The following SPOCK3 variants were observed in gnomAD, a reference collection of about 807,000 sequenced individuals.
SPOCK3 encodes the protein SPARC (osteonectin), cwcv and kazal like domains proteoglycan 3.
In SPOCK3, 30 loss-of-function variants were observed where a neutral mutation model predicts 56.6. The observed-to-expected ratio is 0.53, with a 90% CI of 0.40 to 0.72. SPOCK3 has a LOEUF of 0.72. Among genes scored for constraint, SPOCK3 ranks in the 30% least tolerant of loss-of-function variants. SPOCK3 has a pLI of 0.00. For missense variants in SPOCK3, 527 were observed against 530.0 expected (o/e 0.99, Z 0.06); for synonymous variants, 196 against 183.3 (o/e 1.07, Z -0.56).
chr4:167,000,119 G>T (rs1163326248), intron 4 of SPOCK3, among the ~76,000 whole-genome samples: 1 of 151,990 alleles, frequency 6.6e-6, no homozygotes, highest in Non-Finnish European at 1.5e-5. Flanking sequence ...ATCTTTATAA[G>T]ACCTTCTTTA....
At chr4:167,146,457 G>A (rs574221870) in intron 2 of SPOCK3, among the ~76,000 whole-genome samples, 29 of 152,004 alleles carry the variant, frequency 1.9e-4, no homozygotes, top group South Asian at 1.9e-3. Context: ...TGGACCAAGC[G>A]GACCTAATAG....
In SPOCK3 at chr4:167,051,050, T is replaced by A. The variant is rs1272714040; in HGVS notation, c.235+11442A>T. Among the ~76,000 whole-genome samples the A allele has an allele frequency of 2.0e-5, 3 of 152,166 alleles. No individual in the cohort carries two copies. In the East Asian group the frequency reaches 5.8e-4, roughly 29 times the overall value. ...ATGAATGTACCTAATGCCCCTGAAC[T>A]ATATTCCTAAAAATGGTTAAAATGG... On this transcript the variant is annotated intron_variant, in intron 3 of 10. Transcript: ENST00000357545.
intron 3 of SPOCK3, among the ~76,000 whole-genome samples, chr4:167,009,634 AAAC>A (rs1270227024): frequency 6.6e-6 from 1 of 152,090 alleles, no homozygotes; most frequent in Non-Finnish European, 1.5e-5. Context: ...ATACCAAAAA[AAAC>A]AACAACAAAA....
intron 7 of SPOCK3, among the ~76,000 whole-genome samples, chr4:166,788,570 TA>T (rs1740984813): frequency 6.6e-6 from 1 of 151,740 alleles, no homozygotes; most frequent in South Asian, 2.1e-4. Flanking sequence ...ATATGAATAT[TA>T]AAAATGTATA....
intron 6 of SPOCK3, among the ~76,000 whole-genome samples, chr4:166,798,772 A>G (rs1460845146): frequency 3.3e-5 from 5 of 152,216 alleles, no homozygotes; most frequent in Non-Finnish European, 5.9e-5. Flanking sequence ...TAAACAATTC[A>G]TGAATAGTTA....
chr4:167,157,305 G>A (rs1199455610), intron 2 of SPOCK3, among the ~76,000 whole-genome samples: 1 of 151,596 alleles, frequency 6.6e-6, no homozygotes, highest in Admixed American at 6.6e-5. Flanking sequence ...ATTATCTCAT[G>A]ACTTCGGAAA....
intron 2 of SPOCK3, among the ~76,000 whole-genome samples, chr4:167,233,551 T>C (rs1328754656): frequency 6.6e-6 from 1 of 152,164 alleles, no homozygotes; most frequent in Admixed American, 6.5e-5. Flanking sequence ...TACATCTTCC[T>C]ACCTCCTCCC....
chr4:166,945,728 G>C (rs1283237421), intron 4 of SPOCK3, among the ~76,000 whole-genome samples: 3 of 152,222 alleles, frequency 2.0e-5, no homozygotes, highest in Admixed American at 2.0e-4. Flanking sequence ...AATGGGCATA[G>C]TTGACATCTC....
intron 1 of SPOCK3, 102 bp from the exon 2 acceptor site, chr4:167,234,275 G>T: frequency 1.7e-6 from 2 of 1,175,246 alleles, no homozygotes; most frequent in South Asian, 1.3e-5. Context: ...GCAACGACGA[G>T]GGTAGAGGGA....
chr4:166,773,011 C>T (rs560610206), intron 7 of SPOCK3, among the ~76,000 whole-genome samples: 2 of 152,220 alleles, frequency 1.3e-5, no homozygotes, highest in African/African-American at 4.8e-5. Context: ...ATGCTGGTCT[C>T]GAACTACTGG....
At chr4:166,818,217 C>CT (rs1402728592) in intron 6 of SPOCK3, among the ~76,000 whole-genome samples, 5 of 151,912 alleles carry the variant, frequency 3.3e-5, no homozygotes, top group South Asian at 2.1e-4. Context: ...GGATTTCATC[C>CT]TTTTTTGTGG....
intron 2 of SPOCK3, among the ~76,000 whole-genome samples, chr4:167,107,290 A>G (rs999202647): frequency 3.9e-5 from 6 of 151,996 alleles, no homozygotes; most frequent in African/African-American, 1.4e-4. Flanking sequence ...AACACATTGA[A>G]AAGATCATTA....
Position 167,234,166 on chromosome 4 carries a change from T to C in SPOCK3, c.8A>G (p.Lys3Arg), listed in dbSNP as rs746468717. 5 of 1,613,172 alleles carry C rather than the reference T, an allele frequency of 3.1e-6. No individual in the cohort carries two copies. Among genetic ancestry groups the C allele is most frequent in the Non-Finnish European group, 4.2e-6 (5 of 1,179,800 alleles). The change falls in exon 2 of 11, where the codon AAG becomes AGG. Residue 3 changes from lysine (K) to arginine (R), a missense_variant. Transcript: ENST00000357545. ...ACACACACACAGTACGGCTGACACC[T>C]TGAGCATCTGGGAGAGGAGACACAA... is the stretch of plus-strand genomic sequence containing the variant. ML[K>R]VSAVLCVCAA...
At chr4:167,070,882 C>T (rs982094429) in intron 2 of SPOCK3, among the ~76,000 whole-genome samples, 1 of 151,956 alleles carries the variant, frequency 6.6e-6, no homozygotes, top group Non-Finnish European at 1.5e-5. Context: ...CTGCTTCAAG[C>T]CCCCAAGTGT....
intron 6 of SPOCK3, among the ~76,000 whole-genome samples, chr4:166,812,391 A>T (rs2126729056): frequency 6.6e-6 from 1 of 152,094 alleles, no homozygotes; most frequent in Non-Finnish European, 1.5e-5. Flanking sequence ...TAAGAATTAA[A>T]GTTAACATAA....
intron 2 of SPOCK3, among the ~76,000 whole-genome samples, chr4:167,219,328 C>A (rs1370988623): frequency 2.6e-5 from 4 of 152,148 alleles, no homozygotes; most frequent in Admixed American, 1.3e-4. Context: ...TGTGCCAAGG[C>A]AATTAGCAAG....
chr4:167,006,125 A>C (rs1470162964), intron 3 of SPOCK3, among the ~76,000 whole-genome samples: 2 of 152,166 alleles, frequency 1.3e-5, no homozygotes, highest in African/African-American at 4.8e-5. Context: ...GTTTATGTGT[A>C]AAATATCCTT....
intron 2 of SPOCK3, chr4:167,083,387 T>C: frequency 4.0e-6 from 3 of 750,868 alleles, no homozygotes; most frequent in Non-Finnish European, 7.3e-6. Flanking sequence ...CTTGCTCAAC[T>C]CTAAGTGTCC....
At chr4:166,917,209 C>T (rs1737956248) in intron 4 of SPOCK3, among the ~76,000 whole-genome samples, 1 of 152,148 alleles carries the variant, frequency 6.6e-6, no homozygotes, top group African/African-American at 2.4e-5. Flanking sequence ...TGGTATAACA[C>T]ATTGATTCTC....
Sources: gnomAD v4.1 joint callset for allele counts (sites outside exome capture counted in the v4.1 genomes callset) on GRCh38, gnomAD v4.1.1 for gene constraint, MANE v1.5 for transcripts, NCBI Gene and HGNC (gene_info 2026-07-23, HGNC 2026-07-21) for gene names.